COL11A1: variants seen among roughly 807,000 people sequenced by gnomAD.
The protein encoded by COL11A1 is collagen type XI alpha 1 chain.
Under a neutral mutation model 265.2 loss-of-function variants are expected in COL11A1, and 74 were observed. The ratio of observed to expected loss-of-function variants is 0.28; its 90% CI spans 0.23 to 0.34. COL11A1 has a LOEUF of 0.34. Among genes scored for constraint, COL11A1 ranks in the 10% least tolerant of loss-of-function variants. COL11A1 has a pLI of 1.00. For missense variants in COL11A1, 2,165 were observed against 2,263.6 expected (o/e 0.96, Z 0.88); for synonymous variants, 816 against 727.6 (o/e 1.12, Z -1.96).
At chr1:102,927,660 A>AC (rs144759291) in intron 46 of COL11A1, among the ~76,000 whole-genome samples, 14 of 151,920 alleles carry the variant, frequency 9.2e-5, no homozygotes, top group Admixed American at 5.2e-4. Context: ...CAAAAAAAAA[A>AC]CCAAAAACCC....
chr1:102,888,070 T>C (rs1237508421), intron 62 of COL11A1, among the ~76,000 whole-genome samples: 1 of 152,198 alleles, frequency 6.6e-6, no homozygotes, highest in African/African-American at 2.4e-5. Context: ...GGAAAGATTT[T>C]AGCTCAAGAA....
chr1:102,974,994 C>T (rs1002333805), intron 35 of COL11A1, 111 bp from the exon 36 acceptor site: 2 of 797,328 alleles, frequency 2.5e-6, no homozygotes, highest in Non-Finnish European at 4.4e-6. Context: ...ACAGCTTCTT[C>T]ATCACAGTGA....
At chr1:102,990,196 A>G (rs565109269) in intron 28 of COL11A1, among the ~76,000 whole-genome samples, 2 of 152,250 alleles carry the variant, frequency 1.3e-5, no homozygotes, top group Admixed American at 6.5e-5. Flanking sequence ...CAACAACAAC[A>G]ACAAGAACAA....
At chr1:102,965,402 A>G (rs1661312595) in intron 38 of COL11A1, 85 bp downstream of exon 38, 1 of 1,224,624 alleles carries the variant, frequency 8.2e-7, no homozygotes, top group Non-Finnish European at 1.2e-6. Context: ...ATCATAATAA[A>G]TTTAGAAGAT....
chr1:102,975,020 A>AGTT, intron 35 of COL11A1, 137 bp from the exon 36 acceptor site: 2 of 704,126 alleles, frequency 2.8e-6, no homozygotes, highest in Non-Finnish European at 5.1e-6. Context: ...CTATGGTAAT[A>AGTT]CAACACGATA....
intron 22 of COL11A1, 28 bp downstream of exon 22, chr1:103,002,719 A>G: frequency 1.3e-6 from 2 of 1,589,880 alleles, no homozygotes; most frequent in Non-Finnish European, 1.7e-6. Context: ...TTCAAATATG[A>G]GTTATTTTAT....
intron 21 of COL11A1, among the ~76,000 whole-genome samples, 160 bp from the exon 22 acceptor site, chr1:103,002,951 T>C (rs913804935): frequency 6.6e-6 from 1 of 152,182 alleles, no homozygotes; most frequent in South Asian, 2.1e-4. Flanking sequence ...CTATACTTTC[T>C]TTTCCATGTC....
intron 4 of COL11A1, among the ~76,000 whole-genome samples, chr1:103,058,020 T>C (rs965260941): frequency 1.3e-5 from 2 of 152,206 alleles, no homozygotes; most frequent in Non-Finnish European, 1.5e-5. Context: ...TAGGAACATC[T>C]TAGATGGTAT....
At position 103,068,832 on chromosome 1, in the gene COL11A1, T is replaced by TA. The variant is rs371961383; in HGVS notation, c.651+5785dup. ...GAAACAAATTCATTTACTCTAGCAC[T>TA]AAAAAAAAATACTTAGGAAAAAATT... On this transcript the variant is annotated intron_variant, in intron 4 of 66. Transcript: ENST00000370096. Among the ~76,000 whole-genome samples the TA allele has an allele frequency of 4.3e-3, 642 of 148,536 alleles. 5 individuals carry two copies. Among genetic ancestry groups the TA allele is most frequent in the African/African-American group, 0.014 (582 of 40,840 alleles).
intron 28 of COL11A1, among the ~76,000 whole-genome samples, chr1:102,993,776 C>T (rs534794169): frequency 6.6e-6 from 1 of 152,160 alleles, no homozygotes; most frequent in South Asian, 2.1e-4. Context: ...TGGGCTCAAA[C>T]AATTCTACTG....
chr1:103,052,241 T>A (rs1270802783), intron 4 of COL11A1, among the ~76,000 whole-genome samples: 1 of 152,172 alleles, frequency 6.6e-6, no homozygotes, highest in South Asian at 2.1e-4. Context: ...ACTAGCTCCT[T>A]CACTGTCACA....
At position 103,022,208 on chromosome 1, in the gene COL11A1, C is replaced by T. The variant is rs1571066164; in HGVS notation, c.1246-439G>A. On this transcript the variant is annotated intron_variant, in intron 8 of 66. Coordinates refer to ENST00000370096, the MANE Select transcript of COL11A1 (RefSeq NM_001854.4). Reference sequence around the variant, plus strand: ...AGTAAACTAAACACATTTAAAACAACCTATTAAAATATATTTTTAAATATG... The same window carrying T: ...AGTAAACTAAACACATTTAAAACAATCTATTAAAATATATTTTTAAATATG... Among the ~76,000 whole-genome samples, 3 of 151,750 alleles carry T rather than the reference C, an allele frequency of 2.0e-5. No individual in the cohort carries two copies. The South Asian group carries it at 6.2e-4, about 32-fold the overall frequency.
intron 29 of COL11A1, among the ~76,000 whole-genome samples, chr1:102,988,434 T>C (rs1186409439): frequency 6.6e-6 from 1 of 152,150 alleles, no homozygotes; most frequent in Non-Finnish European, 1.5e-5. Context: ...GAGAAAGAGT[T>C]TGCAATTCCC....
At chr1:102,991,647 C>T (rs1664146364) in intron 28 of COL11A1, among the ~76,000 whole-genome samples, 1 of 152,130 alleles carries the variant, frequency 6.6e-6, no homozygotes, top group African/African-American at 2.4e-5. Flanking sequence ...CAGTGTCAAA[C>T]ATGTTTTGGA....
chr1:103,103,310 AT>A (rs1394473024), intron 1 of COL11A1, among the ~76,000 whole-genome samples: 1 of 151,984 alleles, frequency 6.6e-6, no homozygotes, highest in Non-Finnish European at 1.5e-5. Flanking sequence ...GAAATTTGCC[AT>A]TTTTTATTTG....
chr1:103,090,362 C>T (rs1571258644), intron 1 of COL11A1, among the ~76,000 whole-genome samples: 1 of 152,102 alleles, frequency 6.6e-6, no homozygotes, highest in South Asian at 2.1e-4. Flanking sequence ...CTACTATGAG[C>T]ATGTGGTAGT....
chr1:103,103,392 G>C (rs1054372574), intron 1 of COL11A1, among the ~76,000 whole-genome samples: 1 of 151,856 alleles, frequency 6.6e-6, no homozygotes, highest in African/African-American at 2.4e-5. Context: ...AACAACTTTA[G>C]AGAGCATACA....
At chr1:102,912,987 A>G (rs2101021614) in intron 53 of COL11A1, among the ~76,000 whole-genome samples, 1 of 152,320 alleles carries the variant, frequency 6.6e-6, no homozygotes, top group African/African-American at 2.4e-5. Flanking sequence ...TGTACCTCAC[A>G]GCAGTATGAG....
chr1:102,950,696 T>C (rs955062083), intron 41 of COL11A1, among the ~76,000 whole-genome samples: 2 of 152,238 alleles, frequency 1.3e-5, no homozygotes, highest in African/African-American at 2.4e-5. Flanking sequence ...CTTTGGTCTT[T>C]TCCTATACTA....
Sources: allele counts gnomAD v4.1 joint callset (sites outside exome capture counted in the v4.1 genomes callset), GRCh38; gene constraint gnomAD v4.1.1; transcripts MANE v1.5; gene names NCBI Gene and HGNC (gene_info 2026-07-23, HGNC 2026-07-21).